GNA11: variants seen among roughly 807,000 people sequenced by gnomAD.
The protein encoded by GNA11 is G protein subunit alpha 11.
GNA11 carries 8 observed loss-of-function variants against 38.2 expected under a neutral mutation model. That is an observed-to-expected ratio of 0.21 (90% confidence interval 0.12 to 0.38). GNA11 has a LOEUF of 0.38. GNA11 is among the 10% of genes least tolerant of loss of function. The pLI, the probability that GNA11 is intolerant of heterozygous loss-of-function variation, is 1.00. For missense variants in GNA11, 268 were observed against 516.3 expected (o/e 0.52, Z 4.66); for synonymous variants, 211 against 221.4 (o/e 0.95, Z 0.42).
chr19:3,112,539 G>A (rs1913799703), intron 2 of GNA11, among the ~76,000 whole-genome samples: 1 of 152,234 alleles, frequency 6.6e-6, no homozygotes, highest in South Asian at 2.1e-4. Flanking sequence ...GGGAAAGGAT[G>A]GCCCCCCCAC....
At chr19:3,098,758 G>A (rs892451482) in intron 1 of GNA11, among the ~76,000 whole-genome samples, 4 of 152,202 alleles carry the variant, frequency 2.6e-5, no homozygotes, top group African/African-American at 4.8e-5. Flanking sequence ...TGGCAGGGTG[G>A]CTGTGCCGTG....
chr19:3,096,638 C>A (rs1055597074), intron 1 of GNA11, among the ~76,000 whole-genome samples: 2 of 152,194 alleles, frequency 1.3e-5, no homozygotes, highest in African/African-American at 4.8e-5. Flanking sequence ...GCCCTTCCCG[C>A]ATCCTCTGTC....
intron 1 of GNA11, among the ~76,000 whole-genome samples, chr19:3,104,226 A>G (rs1913581133): frequency 6.6e-6 from 1 of 152,218 alleles, no homozygotes; most frequent in Admixed American, 6.5e-5. Flanking sequence ...CACCGGGGAA[A>G]AGGAAGCTGG....
intron 1 of GNA11, among the ~76,000 whole-genome samples, chr19:3,103,519 CTTTTTTTTTTTTTT>C (rs760497682): frequency 3.5e-4 from 16 of 45,814 alleles, no homozygotes; most frequent in South Asian, 1.0e-3. Context: ...GGCCTTGAAT[CTTTTTTTTTTTTTT>C]TTTTTTTTTT....
chr19:3,111,105 T>C (rs1053093035), intron 2 of GNA11, among the ~76,000 whole-genome samples: 3 of 150,730 alleles, frequency 2.0e-5, no homozygotes, highest in African/African-American at 7.5e-5. Context: ...CCGCCCTGGT[T>C]TTTTTTCTTT....
chr19:3,104,880 G>T (rs1319712920), intron 1 of GNA11, among the ~76,000 whole-genome samples: 1 of 152,190 alleles, frequency 6.6e-6, no homozygotes, highest in Non-Finnish European at 1.5e-5. Flanking sequence ...CTGCAGTGGG[G>T]GTTCTCCGGG....
chr19:3,114,294 C>A (rs556068137), intron 3 of GNA11, among the ~76,000 whole-genome samples: 1 of 152,196 alleles, frequency 6.6e-6, no homozygotes, highest in Non-Finnish European at 1.5e-5. Flanking sequence ...ACTCGAGGGG[C>A]GCCCCACTCA....
intron 1 of GNA11, among the ~76,000 whole-genome samples, chr19:3,095,534 C>T (rs1800277931): frequency 6.6e-6 from 1 of 151,942 alleles, no homozygotes; most frequent in African/African-American, 2.4e-5. Context: ...CCCCCCCATC[C>T]CCCCGAAGAC....
At position 3,120,780 on chromosome 19, in the gene GNA11, G is replaced by C. The variant is rs1257049359; in HGVS notation, c.890-209G>C. Among the ~76,000 whole-genome samples, 1 of 152,134 alleles carries C rather than the reference G, an allele frequency of 6.6e-6. No homozygotes were observed. Among genetic ancestry groups the C allele is most frequent in the Admixed American group, 6.5e-5 (1 of 15,290 alleles). ...CAGGTTGGAGGCCTGGGCCGTGACAGTAGTGCCCTGGGGCTACAGTGGGAT... is the reference window on the plus strand; with the variant it reads ...CAGGTTGGAGGCCTGGGCCGTGACACTAGTGCCCTGGGGCTACAGTGGGAT... On this transcript the variant is annotated intron_variant, in intron 6 of 6. Coordinates refer to ENST00000078429, the MANE Select transcript of GNA11 (RefSeq NM_002067.5). This position sits in a 1 kb window ranked among gnomAD's most constrained non-coding sequence, Gnocchi z 5.9.
intron 3 of GNA11, 146 bp from the exon 4 acceptor site, chr19:3,114,798 C>T: frequency 1.4e-6 from 1 of 715,048 alleles, no homozygotes; most frequent in Non-Finnish European, 2.3e-6. Flanking sequence ...GCCCTCCGGG[C>T]TGCTTCAGAC....
chr19:3,100,661 C>T (rs1211820726), intron 1 of GNA11, among the ~76,000 whole-genome samples: 1 of 152,168 alleles, frequency 6.6e-6, no homozygotes. Context: ...GCGCAGCTGG[C>T]TCTCAGAAGC....
intron 1 of GNA11, among the ~76,000 whole-genome samples, chr19:3,104,836 C>T (rs1396388690): frequency 1.3e-5 from 2 of 152,192 alleles, no homozygotes; most frequent in African/African-American, 2.4e-5. Context: ...TGTGGGGGTG[C>T]TGGGCGCTTC....
intron 4 of GNA11, among the ~76,000 whole-genome samples, chr19:3,115,811 T>G (rs1599305555): frequency 3.5e-5 from 1 of 28,412 alleles, no homozygotes; most frequent in Non-Finnish European, 5.7e-5. Flanking sequence ...GGACCGAGGC[T>G]GTGAGTGGAG....
At position 3,119,271 on chromosome 19, in the gene GNA11, C is replaced by T. The variant is rs1914005547; in HGVS notation, c.801C>T (p.Ser267=). The stretch of plus-strand genomic sequence containing the variant: ...TCACCTACCCCTGGTTCCAGAACTC[C>T]TCCGTCATCCTCTTCCTCAACAAGA... ...TIITYPWFQN[S]SVILFLNKKD... is the part of the protein sequence containing the mutation. The change falls in exon 6 of 7, where the codon TCC becomes TCT. Residue 267 remains serine, a synonymous_variant. Transcript: ENST00000078429. The surrounding 1 kb of genome is among the most constrained non-coding windows in gnomAD (Gnocchi z 4.6). The T allele has an allele frequency of 1.9e-6, 3 of 1,613,794 alleles. No homozygotes were observed. The highest frequency in any genetic ancestry group is 2.5e-6 in the Non-Finnish European group (3 of 1,179,754).
At position 3,119,409 on chromosome 19, in the gene GNA11, G is replaced by T. The variant is rs751275224; in HGVS notation, c.889+50G>T. ...GGGGCTCGCGGGCAGGGCCTTACTGGGGGGAGGGGGCTGATATGGGAGAGG... is the reference window on the plus strand; with the variant it reads ...GGGGCTCGCGGGCAGGGCCTTACTGTGGGGAGGGGGCTGATATGGGAGAGG... On this transcript the variant is annotated intron_variant, in intron 6 of 6. Coordinates refer to ENST00000078429, the MANE Select transcript of GNA11 (RefSeq NM_002067.5). This position sits in a 1 kb window ranked among gnomAD's most constrained non-coding sequence, Gnocchi z 4.6. 2.4e-4 allele frequency: 380 copies of T among 1,557,674 alleles called. 3 individuals are homozygous for T. Among genetic ancestry groups the T allele is most frequent in the Middle Eastern group, 6.8e-4 (4 of 5,870 alleles).
intron 1 of GNA11, among the ~76,000 whole-genome samples, chr19:3,099,554 A>T (rs958236149): frequency 3.3e-5 from 5 of 152,098 alleles, no homozygotes; most frequent in African/African-American, 1.2e-4. Context: ...GGGGCCTCCC[A>T]CCATGTCTGT....
chr19:3,095,566 A>C (rs1599293717), intron 1 of GNA11, among the ~76,000 whole-genome samples: 2 of 131,880 alleles, frequency 1.5e-5, no homozygotes, highest in Non-Finnish European at 3.2e-5. Context: ...CCCTATCCCC[A>C]CATTCCCTTC....
At chr19:3,118,700 T>C in intron 4 of GNA11, 1 of 531,166 alleles carries the variant, frequency 1.9e-6, no homozygotes, top group Non-Finnish European at 3.4e-6. Context: ...CCCAGTGGTC[T>C]CAGGCCCCTT....
rs544068043 is a variant in GNA11, at chr19:3,118,858, G to A, written c.606-66G>A. ...GGCAGGAGGGGCTTGGGTGGGAGCC[G>A]TCCTGGGATTGCAGATTGGGCCTTG... On this transcript the variant is annotated intron_variant, in intron 4 of 6. Transcript: ENST00000078429. 86 of 1,519,930 alleles carry A rather than the reference G, an allele frequency of 5.7e-5. No homozygotes were observed. In the African/African-American group the frequency reaches 5.7e-4, roughly 10 times the overall value. The allele number at this position is 1,519,930 out of a possible 1,614,324, so 94.2% of individuals were successfully genotyped here. A position where few individuals can be genotyped will look rare whatever the true frequency, so the allele number is the denominator to read the frequency against.
Sources: gnomAD v4.1 joint callset for allele counts (sites outside exome capture counted in the v4.1 genomes callset) on GRCh38, gnomAD v4.1.1 for gene constraint, Gnocchi (gnomAD v3.1) non-coding constraint, MANE v1.5 for transcripts, NCBI Gene and HGNC (gene_info 2026-07-23, HGNC 2026-07-21) for gene names.